KCNIP4: variants seen among roughly 807,000 people sequenced by gnomAD.
KCNIP4 encodes Kv channel-interacting protein 4.
A neutral mutation model predicts 34.0 loss-of-function variants in KCNIP4; 12 were observed. The observed-to-expected ratio is 0.35, with a 90% CI of 0.23 to 0.57. The LOEUF is 0.57. Among genes scored for constraint, KCNIP4 ranks in the 20% least tolerant of loss-of-function variants. The probability of loss-of-function intolerance (pLI) is 0.83; values close to 1 mark genes in which losing one functional copy is unlikely to be tolerated. For synonymous variants in KCNIP4, 124 were observed against 102.2 expected (o/e 1.21, Z -1.29); for missense variants, 238 against 311.7 (o/e 0.76, Z 1.78).
At chr4:21,129,392 T>C (rs1450028196) in intron 1 of KCNIP4, among the ~76,000 whole-genome samples, 3 of 152,210 alleles carry the variant, frequency 2.0e-5, no homozygotes, top group African/African-American at 7.2e-5. Context: ...AACCTCACAT[T>C]TCACGGGTGA....
At chr4:21,214,977 G>T (rs1309299487) in intron 1 of KCNIP4, among the ~76,000 whole-genome samples, 1 of 152,178 alleles carries the variant, frequency 6.6e-6, no homozygotes, top group African/African-American at 2.4e-5. Flanking sequence ...ATATCAGGGA[G>T]AAGAATGCAT....
chr4:21,131,534 C>T (rs1751072961), intron 1 of KCNIP4, among the ~76,000 whole-genome samples: 1 of 152,026 alleles, frequency 6.6e-6, no homozygotes, highest in Non-Finnish European at 1.5e-5. Flanking sequence ...GGAGTGAACC[C>T]GGGAGGCGGA....
chr4:21,761,316 A>T (rs1026351358), intron 1 of KCNIP4, among the ~76,000 whole-genome samples: 1 of 152,272 alleles, frequency 6.6e-6, no homozygotes, highest in African/African-American at 2.4e-5. Context: ...TGTGATAGAC[A>T]GTCCTTCTTT....
intron 5 of KCNIP4, among the ~76,000 whole-genome samples, chr4:20,748,666 T>C (rs111245686): frequency 0.1 from 14,690 of 144,676 alleles, 1,026 homozygotes; most frequent in Middle Eastern, 0.19. Context: ...AAGCAAAATA[T>C]GTATAATGCT....
intron 1 of KCNIP4, among the ~76,000 whole-genome samples, chr4:21,899,130 C>G (rs942871871): frequency 6.6e-6 from 1 of 152,172 alleles, no homozygotes; most frequent in Non-Finnish European, 1.5e-5. Flanking sequence ...GATAGTTCAA[C>G]ACACACAAAT....
chr4:21,946,744 C>A (rs1412491816), intron 1 of KCNIP4, among the ~76,000 whole-genome samples: 3 of 152,162 alleles, frequency 2.0e-5, no homozygotes, highest in Non-Finnish European at 4.4e-5. Flanking sequence ...CAAATCAATT[C>A]TCAGCCAGAA....
intron 1 of KCNIP4, among the ~76,000 whole-genome samples, chr4:20,977,078 A>C (rs6836287): frequency 0.96 from 145,564 of 152,208 alleles, 69,724 homozygotes; most frequent in African/African-American, 0.98. Flanking sequence ...GGTGATCCAC[A>C]CACCTCGGTC....
intron 1 of KCNIP4, among the ~76,000 whole-genome samples, chr4:21,516,984 T>C (rs1421911820): frequency 1.3e-5 from 2 of 152,114 alleles, no homozygotes; most frequent in Non-Finnish European, 2.9e-5. Context: ...GCAGCCCATG[T>C]GTGCAGAGAA....
At chr4:21,886,680 T>C (rs151128970) in intron 1 of KCNIP4, among the ~76,000 whole-genome samples, 1 of 152,264 alleles carries the variant, frequency 6.6e-6, no homozygotes, top group East Asian at 1.9e-4. Context: ...CCAAGAGATG[T>C]GACATTTAAT....
intron 1 of KCNIP4, among the ~76,000 whole-genome samples, chr4:20,970,330 T>A (rs947914296): frequency 2.0e-5 from 3 of 152,202 alleles, no homozygotes; most frequent in African/African-American, 7.2e-5. Flanking sequence ...GATTGTTTAT[T>A]ACCTTTGTAG....
chr4:21,409,843 T>A (rs1724331313), intron 1 of KCNIP4, among the ~76,000 whole-genome samples: 1 of 152,166 alleles, frequency 6.6e-6, no homozygotes, highest in Non-Finnish European at 1.5e-5. Context: ...AATTTGAGAT[T>A]CTAGTTTGCC....
rs73805028 is a variant in KCNIP4, at chr4:21,155,644, T to C, written c.62-272935A>G. On this transcript the variant is annotated intron_variant, in intron 1 of 8. Transcript: ENST00000382152. ...CGGAAGGAGTCACTTGTCAGTAATA[T>C]AGTCTGGACTGGAACACGGAAGCTC... Among the ~76,000 whole-genome samples, 781 of 152,228 alleles carry C rather than the reference T, an allele frequency of 5.1e-3. 6 individuals carry two copies. The highest frequency in any genetic ancestry group is 0.017 in the African/African-American group (723 of 41,548).
intron 1 of KCNIP4, among the ~76,000 whole-genome samples, chr4:21,602,208 C>T (rs1247550949): frequency 6.6e-6 from 1 of 151,950 alleles, no homozygotes. Context: ...CTCTTTCACC[C>T]CAAACAGCAT....
intron 1 of KCNIP4, among the ~76,000 whole-genome samples, chr4:21,165,618 T>A (rs1753576876): frequency 6.6e-6 from 1 of 152,138 alleles, no homozygotes; most frequent in Non-Finnish European, 1.5e-5. Context: ...AAAATCTTAG[T>A]ACTCTTGGAT....
intron 1 of KCNIP4, among the ~76,000 whole-genome samples, chr4:21,451,800 G>A (rs1199226979): frequency 2.6e-5 from 4 of 152,066 alleles, no homozygotes; most frequent in African/African-American, 4.8e-5. Flanking sequence ...TTTTGAAAAC[G>A]TCTTTACTGC....
At chr4:20,961,731 G>C (rs1733871031) in intron 1 of KCNIP4, among the ~76,000 whole-genome samples, 1 of 152,102 alleles carries the variant, frequency 6.6e-6, no homozygotes, top group African/African-American at 2.4e-5. Context: ...GATCTCAGAG[G>C]TCCCTGGACA....
In KCNIP4 at chr4:20,882,592, A is replaced by G. The variant is rs750023014; in HGVS notation, c.163+16T>C. 14 of 1,597,372 alleles carry G rather than the reference A, an allele frequency of 8.8e-6. No individual in the cohort carries two copies. Among genetic ancestry groups the G allele is most frequent in the East Asian group, 4.5e-5 (2 of 44,704 alleles). On this transcript the variant is annotated intron_variant, in intron 2 of 8. Coordinates refer to ENST00000382152, the MANE Select transcript of KCNIP4 (RefSeq NM_025221.6). ...AGAGTTTCGGAGGAAAAAAAAAAAC[A>G]AAAAAACAAACTTGCTTTGAATAGC... is the stretch of plus-strand genomic sequence containing the variant.
intron 1 of KCNIP4, among the ~76,000 whole-genome samples, chr4:21,344,368 G>A (rs1311965471): frequency 1.3e-5 from 2 of 152,258 alleles, no homozygotes; most frequent in South Asian, 2.1e-4. Context: ...AGTGAAATAA[G>A]CCCTGGAGCC....
At chr4:21,227,548 T>C (rs1758491150) in intron 1 of KCNIP4, among the ~76,000 whole-genome samples, 1 of 152,178 alleles carries the variant, frequency 6.6e-6, no homozygotes, top group Admixed American at 6.6e-5. Context: ...CTCTCTTTTG[T>C]GGCATCTAAT....
Sources: allele counts gnomAD v4.1 joint callset (sites outside exome capture counted in the v4.1 genomes callset), GRCh38; gene constraint gnomAD v4.1.1; transcripts MANE v1.5; gene names NCBI Gene and HGNC (gene_info 2026-07-23, HGNC 2026-07-21).